The following LINGO2 variants were observed in gnomAD, a reference collection of about 807,000 sequenced individuals.
LINGO2 encodes leucine rich repeat and Ig domain containing 2.
LINGO2 carries 14 observed loss-of-function variants against 30.6 expected under a neutral mutation model. The ratio of observed to expected loss-of-function variants is 0.46; its 90% confidence interval spans 0.30 to 0.72. LINGO2 has a LOEUF of 0.72. Among genes scored for constraint, LINGO2 ranks in the 30% least tolerant of loss-of-function variants. The pLI, the probability that LINGO2 is intolerant of heterozygous loss-of-function variation, is 0.07. For missense variants in LINGO2, 729 were observed against 751.7 expected (o/e 0.97, Z 0.35); for synonymous variants, 317 against 288.5 (o/e 1.10, Z -1.00).
the LINGO2 span, among the ~76,000 whole-genome samples, chr9:28,703,032 C>T: frequency 1.3e-5 from 2 of 151,446 alleles, no homozygotes; most frequent in African/African-American, 2.4e-5. Flanking sequence ...CTTAGCCTGG[C>T]TATATGCTAT....
intron 3 of LINGO2, among the ~76,000 whole-genome samples, chr9:28,369,226 C>T (rs762195707): frequency 6.6e-6 from 1 of 152,170 alleles, no homozygotes; most frequent in African/African-American, 2.4e-5. Flanking sequence ...TGTCATGCTA[C>T]TATGACTATC....
rs574527904 is a variant in LINGO2 at position 28,514,608 on chromosome 9, G to A, written c.-364-38583C>T. Reference sequence around the variant, plus strand: ...TTCTATTATATCAAGGATGAAAGACGTGAAGAAGCTGCATAAGAAAAATTA... The same window carrying A: ...TTCTATTATATCAAGGATGAAAGACATGAAGAAGCTGCATAAGAAAAATTA... On this transcript the variant is annotated intron_variant, in intron 1 of 5. Coordinates refer to ENST00000379992, the Ensembl canonical transcript of LINGO2. Among the ~76,000 whole-genome samples, 8 of 152,260 alleles carry A rather than the reference G, an allele frequency of 5.3e-5. No homozygotes were observed. The South Asian group carries it at 6.2e-4, about 12-fold the overall frequency.
At chr9:28,370,378 G>C (rs1276263618) in intron 3 of LINGO2, among the ~76,000 whole-genome samples, 1 of 151,862 alleles carries the variant, frequency 6.6e-6, no homozygotes, top group African/African-American at 2.4e-5. Flanking sequence ...ACAAAACCCA[G>C]CCATCTTTCT....
chr9:28,704,834 T>G, the LINGO2 span, among the ~76,000 whole-genome samples: 1 of 152,090 alleles, frequency 6.6e-6, no homozygotes, highest in East Asian at 1.9e-4. Context: ...TTTAGGGCCC[T>G]TAGCATGTTA....
the LINGO2 span, among the ~76,000 whole-genome samples, chr9:28,884,776 A>G: frequency 6.9e-6 from 1 of 145,354 alleles, no homozygotes; most frequent in Non-Finnish European, 1.5e-5. Context: ...GTGTGTATAT[A>G]TATATAGTGT....
chr9:28,310,747 G>C (rs1457928956), intron 3 of LINGO2, among the ~76,000 whole-genome samples: 1 of 152,104 alleles, frequency 6.6e-6, no homozygotes, highest in East Asian at 1.9e-4. Flanking sequence ...AAATAAAGCT[G>C]ATTTAAATAA....
chr9:28,002,493 T>G (rs1160172364), intron 5 of LINGO2, among the ~76,000 whole-genome samples: 1 of 152,222 alleles, frequency 6.6e-6, no homozygotes, highest in African/African-American at 2.4e-5. Context: ...GTTTTCCATT[T>G]GTCCAGATTC....
chr9:28,549,847 T>G (rs62559693), intron 1 of LINGO2, among the ~76,000 whole-genome samples: 2,927 of 151,926 alleles, frequency 0.019, 65 homozygotes, highest in Admixed American at 0.057. Flanking sequence ...TCTCATACTC[T>G]TTAATAGTTC....
intron 1 of LINGO2, among the ~76,000 whole-genome samples, chr9:28,525,074 A>G (rs141245966): frequency 6.6e-6 from 1 of 152,288 alleles, no homozygotes; most frequent in African/African-American, 2.4e-5. Context: ...TATCTAAAAA[A>G]TATATATGAA....
At chr9:28,428,463 G>A (rs1282857920) in intron 2 of LINGO2, among the ~76,000 whole-genome samples, 2 of 152,130 alleles carry the variant, frequency 1.3e-5, no homozygotes, top group African/African-American at 4.8e-5. Flanking sequence ...CCAAAAGTAG[G>A]TTATTTTCAT....
intron 4 of LINGO2, among the ~76,000 whole-genome samples, chr9:28,232,141 G>A (rs748579561): frequency 2.0e-5 from 3 of 152,096 alleles, no homozygotes; most frequent in Admixed American, 1.3e-4. Flanking sequence ...GCTCATGCCT[G>A]TAATCCAAGA....
At chr9:28,815,997 T>C in the LINGO2 span, among the ~76,000 whole-genome samples, 4 of 152,118 alleles carry the variant, frequency 2.6e-5, no homozygotes, top group Non-Finnish European at 5.9e-5. Context: ...AGGAGCCCCA[T>C]CCAGTGGGAG....
chr9:28,766,938 A>G, the LINGO2 span, among the ~76,000 whole-genome samples: 40 of 152,236 alleles, frequency 2.6e-4, no homozygotes, highest in African/African-American at 9.6e-4. Flanking sequence ...AGTCAGACAC[A>G]TAATTGTGGT....
At chr9:28,233,892 C>T (rs1463649466) in intron 4 of LINGO2, among the ~76,000 whole-genome samples, 2 of 152,162 alleles carry the variant, frequency 1.3e-5, no homozygotes, top group East Asian at 1.9e-4. Context: ...GAATTCACCA[C>T]CTGCTGACTA....
chr9:28,238,600 A>T (rs2133963602), intron 4 of LINGO2, among the ~76,000 whole-genome samples: 1 of 152,276 alleles, frequency 6.6e-6, no homozygotes, highest in East Asian at 1.9e-4. Context: ...AAAACAAATG[A>T]TAATGGAAAC....
In LINGO2 at chr9:28,130,888, T is replaced by A. The variant is rs956758732; in HGVS notation, c.-86-118483A>T. 2.0e-5 allele frequency among the ~76,000 whole-genome samples: 3 copies of A among 152,136 alleles called. No individual in the cohort carries two copies. Among genetic ancestry groups the A allele is most frequent in the African/African-American group, 7.2e-5 (3 of 41,444 alleles). ...GTTTGAGGCCTTTCAAAATAGGGCC[T>A]CACATCTATATTTGTTTCAGTTTTC... is the stretch of plus-strand genomic sequence containing the variant. On this transcript the variant is annotated intron_variant, in intron 4 of 5. Coordinates refer to ENST00000379992, the Ensembl canonical transcript of LINGO2. This position sits in a 1 kb window ranked among gnomAD's most constrained non-coding sequence, Gnocchi z 5.2.
chr9:28,404,900 T>TTGTGTGTGTGTGTGTG lies in LINGO2; in HGVS notation c.-278-32048_-278-32033dup, dbSNP rs60281661. Among the ~76,000 whole-genome samples the TTGTGTGTGTGTGTGTG allele has an allele frequency of 9.4e-3, 962 of 102,534 alleles. 10 individuals are homozygous for TTGTGTGTGTGTGTGTG. Among genetic ancestry groups the TTGTGTGTGTGTGTGTG allele is most frequent in the South Asian group, 0.037 (132 of 3,590 alleles). 67.3% of individuals were successfully genotyped at this position (102,534 alleles called of 152,430 possible). ...TGTTAAAACTAGAGGCTCAGCCGCT[T>TTGTGTGTGTGTGTGTG]TGTGTGTGTGTGTGTGTGTGTGTGT... On this transcript the variant is annotated intron_variant, in intron 2 of 5. Coordinates refer to ENST00000379992, the Ensembl canonical transcript of LINGO2.
the LINGO2 span, among the ~76,000 whole-genome samples, chr9:28,900,049 C>T: frequency 3.3e-5 from 5 of 152,152 alleles, no homozygotes; most frequent in African/African-American, 1.2e-4. Context: ...GCTTCTAGGC[C>T]AGCCATTACA....
chr9:29,147,038 G>A, the LINGO2 span, among the ~76,000 whole-genome samples: 1 of 152,088 alleles, frequency 6.6e-6, no homozygotes, highest in Non-Finnish European at 1.5e-5. Flanking sequence ...AACATTTGCT[G>A]TAGTTATCAC....
Sources: gnomAD v4.1 joint callset for allele counts (sites outside exome capture counted in the v4.1 genomes callset) on GRCh38, gnomAD v4.1.1 for gene constraint, Gnocchi (gnomAD v3.1) non-coding constraint, MANE v1.5 for transcripts, NCBI Gene and HGNC (gene_info 2026-07-23, HGNC 2026-07-21) for gene names.